ZNF704: variants seen among roughly 807,000 people sequenced by gnomAD.
ZNF704 encodes the protein zinc finger protein 704, also known as glucocorticoid induced gene 1.
ZNF704 carries 10 observed loss-of-function variants against 44.7 expected under a neutral mutation model. The ratio of observed to expected loss-of-function variants is 0.22; its 90% CI spans 0.14 to 0.38. ZNF704 has a LOEUF of 0.38. Ranked by LOEUF, ZNF704 falls within the 10% of genes least tolerant of loss-of-function variation. The probability of loss-of-function intolerance (pLI) is 1.00; values close to 1 mark genes in which losing one functional copy is unlikely to be tolerated. For synonymous variants in ZNF704, 211 were observed against 207.6 expected (o/e 1.02, Z -0.14); for missense variants, 390 against 545.5 (o/e 0.71, Z 2.84).
chr8:80,814,167 T>C (rs1389359329), intron 2 of ZNF704: 1 of 152,202 alleles, frequency 6.6e-6, no homozygotes, highest in African/African-American at 2.4e-5. Flanking sequence ...GGAGACAGAA[T>C]TGCTTCTTTT....
intron 8 of ZNF704, 22 bp from the exon 9 acceptor site, chr8:80,641,499 T>C (rs546779318): frequency 6.4e-7 from 1 of 1,551,394 alleles, no homozygotes; most frequent in African/African-American, 1.4e-5. Flanking sequence ...ACGAGGAAGG[T>C]TAGTTTAGTG....
At chr8:80,849,998 G>C (rs1254480181) in intron 1 of ZNF704, among the ~76,000 whole-genome samples, 2 of 152,056 alleles carry the variant, frequency 1.3e-5, no homozygotes. Flanking sequence ...CTTTCTATCA[G>C]TTTTTCTAAA....
At chr8:80,832,140 A>T (rs114106556) in intron 1 of ZNF704, among the ~76,000 whole-genome samples, 1 of 152,226 alleles carries the variant, frequency 6.6e-6, no homozygotes, top group African/African-American at 2.4e-5. Flanking sequence ...TTTTCATTCC[A>T]ATGAACAGCT....
At chr8:80,796,914 GAA>G (rs1388199442) in intron 2 of ZNF704, among the ~76,000 whole-genome samples, 2 of 126,960 alleles carry the variant, frequency 1.6e-5, no homozygotes, top group Non-Finnish European at 3.2e-5. Context: ...AAGGGAAAGG[GAA>G]AGAGAAAGGG....
chr8:80,641,339 CCCTGAGCCCCTCTGCCTGGGGGT>C lies in ZNF704; in HGVS notation c.*4_*26del. 1 of 1,507,426 alleles carries C rather than the reference CCCTGAGCCCCTCTGCCTGGGGGT, an allele frequency of 6.6e-7. No individual in the cohort carries two copies. The highest frequency in any genetic ancestry group is 9.0e-7 in the Non-Finnish European group (1 of 1,106,432). 93.4% of individuals were successfully genotyped at this position (1,507,426 alleles called of 1,614,324 possible). A position where few individuals can be genotyped will look rare whatever the true frequency, so the allele number is the denominator to read the frequency against. ...AGGCCAGGGCAGGAGCGGCTCAGGG[CCCTGAGCCCCTCTGCCTGGGGGT>C]CTCTCAGTCGAGGAACCTCTGGCAG... On this transcript the variant is annotated 3_prime_UTR_variant, in exon 9 of 9. Transcript: ENST00000327835.
intron 4 of ZNF704, among the ~76,000 whole-genome samples, chr8:80,678,963 C>A (rs1415160300): frequency 2.6e-5 from 4 of 152,134 alleles, no homozygotes; most frequent in Non-Finnish European, 5.9e-5. Flanking sequence ...TCTCCTTCTG[C>A]CTGGCCACAG....
chr8:80,868,398 ATC>A (rs1240438367), intron 1 of ZNF704, among the ~76,000 whole-genome samples: 2 of 152,196 alleles, frequency 1.3e-5, no homozygotes, highest in Non-Finnish European at 2.9e-5. Context: ...AGTAGCATCT[ATC>A]TCTGTTTCCT....
rs180747191 is a variant in ZNF704 at position 80,848,817 on chromosome 8, G to T, written c.-22+25754C>A. 6.6e-5 allele frequency among the ~76,000 whole-genome samples: 10 copies of T among 151,706 alleles called. 1 individual carries two copies. Among genetic ancestry groups the T allele is most frequent in the Admixed American group, 1.3e-4 (2 of 15,242 alleles). On this transcript the variant is annotated intron_variant, in intron 1 of 8. Coordinates refer to ENST00000327835, the MANE Select transcript of ZNF704 (RefSeq NM_001033723.3). ...CTAAAAGAAAAGGTTAAAAAAAAAA[G>T]AGATAGATATGTATTCAAATTACCC...
At chr8:80,877,487 T>A (rs1324585663), upstream of ZNF704, among the ~76,000 whole-genome samples, 1 of 152,200 alleles carries the variant, frequency 6.6e-6, no homozygotes, top group African/African-American at 2.4e-5. Flanking sequence ...TCAAAAAGTA[T>A]CTTGTGATGC....
In ZNF704 at chr8:80,648,385, CAT is replaced by C. The variant is rs572604584; in HGVS notation, c.1033-5258_1033-5257del. Among the ~76,000 whole-genome samples the C allele has an allele frequency of 8.5e-5, 13 of 152,212 alleles. No individual in the cohort carries two copies. In the South Asian group the frequency reaches 2.7e-3, roughly 32 times the overall value. ...GAGTTCAGTAGGAGGCTCAATATGA[CAT>C]GTGAGTTTTTTCTTCAGACTTTTAA... On this transcript the variant is annotated intron_variant, in intron 7 of 8. Transcript: ENST00000327835.
At chr8:80,736,614 A>C (rs1472186829) in intron 2 of ZNF704, among the ~76,000 whole-genome samples, 1 of 152,134 alleles carries the variant, frequency 6.6e-6, no homozygotes, top group East Asian at 1.9e-4. Flanking sequence ...AAAACTACGA[A>C]GGGAACTTAA....
chr8:80,711,127 G>A (rs544039355), intron 2 of ZNF704, among the ~76,000 whole-genome samples: 14 of 152,284 alleles, frequency 9.2e-5, no homozygotes, highest in South Asian at 2.1e-4. Flanking sequence ...CTAACATAGC[G>A]TTTCCTGACA....
chr8:80,826,833 A>G (rs1808386073), intron 1 of ZNF704, among the ~76,000 whole-genome samples: 1 of 152,248 alleles, frequency 6.6e-6, no homozygotes, highest in African/African-American at 2.4e-5. Flanking sequence ...CCACATGATT[A>G]TCTCAATAGA....
chr8:80,837,107 C>T (rs974820685), intron 1 of ZNF704, among the ~76,000 whole-genome samples: 39 of 152,086 alleles, frequency 2.6e-4, no homozygotes, highest in African/African-American at 9.4e-4. Context: ...AGGATAGATG[C>T]CAAGTTCCTA....
chr8:80,819,807 T>A (rs989167721), intron 2 of ZNF704, among the ~76,000 whole-genome samples: 7 of 152,136 alleles, frequency 4.6e-5, no homozygotes, highest in Non-Finnish European at 7.4e-5. Flanking sequence ...CAATTAAAGG[T>A]TAAAGAAAAC....
intron 2 of ZNF704, among the ~76,000 whole-genome samples, chr8:80,797,187 C>T (rs936295437): frequency 3.3e-5 from 5 of 152,178 alleles, no homozygotes; most frequent in African/African-American, 1.2e-4. Flanking sequence ...GGCAGCTCTG[C>T]CCCCATGGCA....
Position 80,643,395 on chromosome 8 carries a change from G to GT in ZNF704, c.1033-267dup, listed in dbSNP as rs1390110602. On this transcript the variant is annotated intron_variant, in intron 7 of 8. Transcript: ENST00000327835. ...TTAGCCAAGTTGGGGTTGTGTGCCT[G>GT]TAATCCCAGCTACTTGGGAGGCTGA... Among the ~76,000 whole-genome samples the GT allele has an allele frequency of 4.0e-5, 6 of 151,872 alleles. No individual in the cohort carries two copies. The East Asian group carries it at 1.2e-3, about 29-fold the overall frequency.
intron 1 of ZNF704, among the ~76,000 whole-genome samples, chr8:80,827,370 T>C (rs1297317531): frequency 2.6e-5 from 4 of 152,102 alleles, no homozygotes; most frequent in African/African-American, 9.7e-5. Flanking sequence ...ACAAGGGATG[T>C]GAAGGACCTC....
intron 7 of ZNF704, among the ~76,000 whole-genome samples, chr8:80,657,529 C>T (rs1467635389): frequency 6.6e-6 from 1 of 151,954 alleles, no homozygotes; most frequent in African/African-American, 2.4e-5. Context: ...CCCGTATCTA[C>T]TAAAAATACA....
Sources: gnomAD v4.1 joint callset for allele counts (sites outside exome capture counted in the v4.1 genomes callset) on GRCh38, gnomAD v4.1.1 for gene constraint, MANE v1.5 for transcripts, NCBI Gene and HGNC (gene_info 2026-07-23, HGNC 2026-07-21) for gene names.